The following SLAMF1 variants were observed in gnomAD, a reference collection of about 807,000 sequenced individuals.
The protein encoded by SLAMF1 is signaling lymphocytic activation molecule.
Under a neutral mutation model 35.1 loss-of-function variants are expected in SLAMF1, and 18 were observed. The ratio of observed to expected loss-of-function variants is 0.51; its 90% confidence interval spans 0.35 to 0.76. SLAMF1 has a LOEUF of 0.76. Ranked by LOEUF, SLAMF1 falls within the 30% of genes least tolerant of loss-of-function variation. The pLI is 0.01. For missense variants in SLAMF1, 392 were observed against 413.0 expected (o/e 0.95, Z 0.44); for synonymous variants, 168 against 157.2 (o/e 1.07, Z -0.51).
intron 1 of SLAMF1, among the ~76,000 whole-genome samples, chr1:160,645,303 T>C (rs968523069): frequency 5.9e-5 from 9 of 152,314 alleles, no homozygotes; most frequent in South Asian, 4.1e-4. Context: ...CTGGGTTTTA[T>C]TGGGGCTTCA....
At chr1:160,635,359 G>A (rs539791442) in intron 2 of SLAMF1, among the ~76,000 whole-genome samples, 84 of 152,254 alleles carry the variant, frequency 5.5e-4, no homozygotes, top group Non-Finnish European at 9.6e-4. Context: ...GCGCGCGCGC[G>A]CATGTACACG....
At chr1:160,634,585 G>A in intron 3 of SLAMF1, 28 bp downstream of exon 3, 3 of 1,565,584 alleles carry the variant, frequency 1.9e-6, no homozygotes, top group Non-Finnish European at 1.7e-6. Context: ...CATTAAGGTG[G>A]CACACAGGCT....
intron 5 of SLAMF1, among the ~76,000 whole-genome samples, chr1:160,614,510 G>T (rs1281801267): frequency 2.0e-5 from 3 of 151,462 alleles, no homozygotes; most frequent in African/African-American, 7.3e-5. Context: ...GGAGCTGGAG[G>T]TTGCAGTGAG....
Position 160,609,623 on chromosome 1 carries a change from T to C in SLAMF1, c.*1125A>G, listed in dbSNP as rs1052064426. The C allele has an allele frequency of 3.3e-5, 5 of 152,140 alleles. No individual in the cohort carries two copies. Among genetic ancestry groups the C allele is most frequent in the African/African-American group, 1.2e-4 (5 of 41,432 alleles). 9.4% of individuals were successfully genotyped at this position (152,140 alleles called of 1,614,324 possible). A position where few individuals can be genotyped will look rare whatever the true frequency, so the allele number is the denominator to read the frequency against. Reference sequence around the variant, plus strand: ...GGACAGCCTGTCTAAAAGCAGAGAATAGGAAAAAACAAAGGACTTTACTTA... The same window carrying C: ...GGACAGCCTGTCTAAAAGCAGAGAACAGGAAAAAACAAAGGACTTTACTTA... On this transcript the variant is annotated 3_prime_UTR_variant, in exon 7 of 7. Transcript: ENST00000302035.
intron 1 of SLAMF1, among the ~76,000 whole-genome samples, chr1:160,643,709 C>A (rs1048914981): frequency 6.6e-6 from 1 of 152,160 alleles, no homozygotes; most frequent in African/African-American, 2.4e-5. Context: ...AAGATCAAAT[C>A]GGGTTAATTG....
rs1658870814 is a variant in SLAMF1 at position 160,609,556 on chromosome 1, G to A, written c.*1192C>T. On this transcript the variant is annotated 3_prime_UTR_variant, in exon 7 of 7. Transcript: ENST00000302035. ...GGCTGTTTCTTACAGTACTTACCAA[G>A]TTTATATAAGAAACAATAAGAAAAA... 1 of 152,170 alleles carries A rather than the reference G, an allele frequency of 6.6e-6. No homozygotes were observed. Among genetic ancestry groups the A allele is most frequent in the South Asian group, 2.1e-4 (1 of 4,830 alleles). The allele number at this position is 152,170 out of a possible 1,614,324, so 9.4% of individuals were successfully genotyped here. A position where few individuals can be genotyped will look rare whatever the true frequency, so the allele number is the denominator to read the frequency against.
rs375793247 is a variant in SLAMF1, at chr1:160,625,246, G to T, written c.701-1061C>A. Among the ~76,000 whole-genome samples the T allele has an allele frequency of 3.2e-4, 49 of 152,314 alleles. No homozygotes were observed. The South Asian group carries it at 1.0e-2, about 31-fold the overall frequency. The stretch of plus-strand genomic sequence containing the variant: ...TTCTAAGTAGAATATTCGCACTAAG[G>T]TTCTAAATAGAGTAACACCAGATGT... On this transcript the variant is annotated intron_variant, in intron 3 of 6. Transcript: ENST00000302035.
intron 5 of SLAMF1, among the ~76,000 whole-genome samples, chr1:160,617,618 A>G (rs933890985): frequency 1.3e-5 from 2 of 152,072 alleles, no homozygotes; most frequent in African/African-American, 2.4e-5. Context: ...GTTCAAAAAT[A>G]AAAAAGGAAA....
intron 3 of SLAMF1, among the ~76,000 whole-genome samples, chr1:160,625,847 G>GTGTGTGTA (rs1553240256): frequency 0.048 from 7,135 of 148,146 alleles, 386 homozygotes; most frequent in African/African-American, 0.14. Flanking sequence ...GTGTGTGTGT[G>GTGTGTGTA]TGTGTGTATG....
chr1:160,643,176 C>G (rs1456541595), intron 1 of SLAMF1, among the ~76,000 whole-genome samples: 1 of 152,006 alleles, frequency 6.6e-6, no homozygotes, highest in African/African-American at 2.4e-5. Context: ...GGCAGCTATC[C>G]CCCCTCCCCG....
Position 160,610,500 on chromosome 1 carries a change from C to T in SLAMF1, c.*248G>A, listed in dbSNP as rs978390204. Reference sequence around the variant, plus strand: ...CATCTGCTACAACACAAAGATGGAACGCTGTTATCAAGTAACGCTCTGTTC... The same window carrying T: ...CATCTGCTACAACACAAAGATGGAATGCTGTTATCAAGTAACGCTCTGTTC... On this transcript the variant is annotated 3_prime_UTR_variant, in exon 7 of 7. Transcript: ENST00000302035. The T allele has an allele frequency of 4.4e-5, 24 of 541,622 alleles. No individual in the cohort carries two copies. The highest frequency in any genetic ancestry group is 2.8e-4 in the Middle Eastern group (1 of 3,548). 33.6% of individuals were successfully genotyped at this position (541,622 alleles called of 1,614,324 possible). A position where few individuals can be genotyped will look rare whatever the true frequency, so the allele number is the denominator to read the frequency against.
At chr1:160,625,469 A>G (rs1408038374) in intron 3 of SLAMF1, among the ~76,000 whole-genome samples, 1 of 152,226 alleles carries the variant, frequency 6.6e-6, no homozygotes, top group Admixed American at 6.5e-5. Context: ...CATAAAATGC[A>G]GCCTACAAGA....
chr1:160,610,512 G>GT lies in SLAMF1; in HGVS notation c.*235dup. ...CACAAAGATGGAACGCTGTTATCAA[G>GT]TAACGCTCTGTTCTGCGCCTGCAGC... On this transcript the variant is annotated 3_prime_UTR_variant, in exon 7 of 7. Coordinates refer to ENST00000302035, the MANE Select transcript of SLAMF1 (RefSeq NM_003037.5). 3.6e-6 allele frequency: 2 copies of GT among 563,012 alleles called. No individual in the cohort carries two copies. The highest frequency in any genetic ancestry group is 3.3e-6 in the Non-Finnish European group (1 of 305,700). The allele number at this position is 563,012 out of a possible 1,614,324, so 34.9% of individuals were successfully genotyped here.
chr1:160,610,173 C>T lies in SLAMF1; in HGVS notation c.*575G>A. ...CAAATAAAATAATATTCTTAGCTTC[C>T]TTTATACAATAATATCAGAGTGTTT... On this transcript the variant is annotated 3_prime_UTR_variant, in exon 7 of 7. Transcript: ENST00000302035. The T allele has an allele frequency of 5.3e-6, 2 of 377,368 alleles. No homozygotes were observed. The allele number at this position is 377,368 out of a possible 1,614,324, so 23.4% of individuals were successfully genotyped here.
intron 1 of SLAMF1, 68 bp downstream of exon 1, chr1:160,646,802 T>A: frequency 1.2e-6 from 1 of 859,010 alleles, no homozygotes; most frequent in Non-Finnish European, 2.0e-6. Context: ...CTTCTCTCCA[T>A]CCACGAAGAT....
chr1:160,637,180 G>A lies in SLAMF1; in HGVS notation c.415+11C>T, dbSNP rs199954804. The A allele has an allele frequency of 2.3e-5, 37 of 1,603,590 alleles. No individual in the cohort carries two copies. Among genetic ancestry groups the A allele is most frequent in the Non-Finnish European group, 2.6e-6 (3 of 1,170,580 alleles). On this transcript the variant is annotated intron_variant, in intron 2 of 6. Coordinates refer to ENST00000302035, the MANE Select transcript of SLAMF1 (RefSeq NM_003037.5). ...CCCTTTAGTGTGGACTGGGGAAGCC[G>A]CCATTATTACCATAAAGCCTCAACT...
At position 160,637,490 on chromosome 1, in the gene SLAMF1, A is replaced by G. The variant is rs1660516105; in HGVS notation, c.116T>C (p.Leu39Ser). 5.6e-6 allele frequency: 9 copies of G among 1,612,998 alleles called. No homozygotes were observed. The East Asian group carries it at 2.0e-4, about 36-fold the overall frequency. ...MMNCPKILRQ[L>S]GSKVLLPLTY... ...CAGGGGCAGCAGCACTTTGCTTCCCAACTGCCGGAGAATCTTTGGGCAGTT... is the reference window on the plus strand; with the variant it reads ...CAGGGGCAGCAGCACTTTGCTTCCCGACTGCCGGAGAATCTTTGGGCAGTT... Residue 39 changes from leucine to serine, a missense_variant, in exon 2 of 7, where the codon TTG becomes TCG. Leu to Ser is a moderately radical substitution (Grantham distance 145, BLOSUM62 -2). Coordinates refer to ENST00000302035, the MANE Select transcript of SLAMF1 (RefSeq NM_003037.5).
rs1291778059 is a variant in SLAMF1 at position 160,642,235 on chromosome 1, G to A, written c.76+4635C>T. Among the ~76,000 whole-genome samples, 1 of 152,046 alleles carries A rather than the reference G, an allele frequency of 6.6e-6. No individual in the cohort carries two copies. Among genetic ancestry groups the A allele is most frequent in the South Asian group, 2.1e-4 (1 of 4,826 alleles). ...GTCAAAGTCCTATTTTTATTATTTG[G>A]CACTGCTGGGTCTTTCTATCTTAGA... On this transcript the variant is annotated intron_variant, in intron 1 of 6. Transcript: ENST00000302035. This position sits in a 1 kb window ranked among gnomAD's most constrained non-coding sequence, Gnocchi z 4.2.
At position 160,612,553 on chromosome 1, in the gene SLAMF1, G is replaced by C. The variant is rs754002045; in HGVS notation, c.892C>G (p.Pro298Ala). 4 of 1,612,980 alleles carry C rather than the reference G, an allele frequency of 2.5e-6. No homozygotes were observed. In the East Asian group the frequency reaches 8.9e-5, roughly 36 times the overall value. Residue 298 changes from proline (P) to alanine (A), a missense_variant, in exon 6 of 7, where the codon CCA becomes GCA. Coordinates refer to ENST00000302035, the MANE Select transcript of SLAMF1 (RefSeq NM_003037.5). ...GPLQKKLDSF[P>A]AQDPCTTIYV... ...ATGGTGGTGCAAGGGTCCTGAGCTG[G>C]GAAGGAGTCAAGTTTCTTCTGAAGA...
Sources: allele counts gnomAD v4.1 joint callset (sites outside exome capture counted in the v4.1 genomes callset), GRCh38; gene constraint gnomAD v4.1.1; non-coding constraint Gnocchi (gnomAD v3.1); transcripts MANE v1.5; gene names NCBI Gene and HGNC (gene_info 2026-07-23, HGNC 2026-07-21).